The following PAG1 variants were observed in gnomAD, a reference collection of about 807,000 sequenced individuals.
PAG1 encodes the protein phosphoprotein associated with glycosphingolipid-enriched microdomains 1.
In PAG1, 23 loss-of-function variants were observed where a neutral mutation model predicts 31.7. The observed-to-expected ratio is 0.73, with a 90% CI of 0.52 to 1.03. The LOEUF (loss-of-function observed/expected upper bound fraction) is 1.03, where lower values mean the gene tolerates loss of function less well. PAG1 is among the 50% of genes least tolerant of loss of function. PAG1 has a pLI of 0.00. For missense variants in PAG1, 473 were observed against 540.7 expected (o/e 0.87, Z 1.24); for synonymous variants, 214 against 210.3 (o/e 1.02, Z -0.15).
At chr8:81,027,400 C>T (rs778991184) in intron 3 of PAG1, among the ~76,000 whole-genome samples, 5 of 152,140 alleles carry the variant, frequency 3.3e-5, no homozygotes, top group African/African-American at 4.8e-5. Flanking sequence ...AACAACAAAG[C>T]AGATAATACG....
intron 3 of PAG1, among the ~76,000 whole-genome samples, chr8:81,013,398 C>T (rs889253916): frequency 6.6e-6 from 1 of 152,144 alleles, no homozygotes; most frequent in Admixed American, 6.5e-5. Flanking sequence ...GTCCCCCAGG[C>T]CCTCGGCCTC....
chr8:81,089,111 G>C (rs1809405330), intron 1 of PAG1, among the ~76,000 whole-genome samples: 1 of 152,202 alleles, frequency 6.6e-6, no homozygotes, highest in South Asian at 2.1e-4. Flanking sequence ...GCTGGAAGAA[G>C]ATACAAAACT....
intron 1 of PAG1, among the ~76,000 whole-genome samples, chr8:81,083,834 A>G (rs1809307770): frequency 6.6e-6 from 1 of 150,854 alleles, no homozygotes; most frequent in Non-Finnish European, 1.5e-5. Flanking sequence ...CAGGAGTTCA[A>G]GATCAGCCTG....
intron 2 of PAG1, among the ~76,000 whole-genome samples, chr8:81,043,645 T>C (rs1808592095): frequency 6.6e-6 from 1 of 152,204 alleles, no homozygotes; most frequent in Non-Finnish European, 1.5e-5. Context: ...CAATTACAAA[T>C]GACATTACAA....
Position 81,034,782 on chromosome 8 carries a change from C to T in PAG1, c.-174-4693G>A, listed in dbSNP as rs1342709617. Among the ~76,000 whole-genome samples, 5 of 152,324 alleles carry T rather than the reference C, an allele frequency of 3.3e-5. No individual in the cohort carries two copies. In the East Asian group the frequency reaches 7.7e-4, roughly 23 times the overall value. ...GGAAGACACCTATTTAAAGAAGTTC[C>T]TCTTCCCCTGCTCTTGAGCTTTCCT... On this transcript the variant is annotated intron_variant, in intron 2 of 8. Coordinates refer to ENST00000220597, the MANE Select transcript of PAG1 (RefSeq NM_018440.4).
At chr8:81,049,234 A>T (rs1290384235) in intron 2 of PAG1, among the ~76,000 whole-genome samples, 3 of 152,332 alleles carry the variant, frequency 2.0e-5, no homozygotes, top group Non-Finnish European at 4.4e-5. Context: ...CATATCTAAA[A>T]GTGAATTTAA....
At chr8:81,026,316 C>G (rs1808277125) in intron 3 of PAG1, among the ~76,000 whole-genome samples, 1 of 151,464 alleles carries the variant, frequency 6.6e-6, no homozygotes. Context: ...CCGTTGTACT[C>G]TAGCCTGGGC....
Position 81,040,414 on chromosome 8 carries a change from C to A in PAG1, c.-174-10325G>T, listed in dbSNP as rs73279916. 5.8e-3 allele frequency among the ~76,000 whole-genome samples: 885 copies of A among 152,202 alleles called. 5 individuals are homozygous for A. Among genetic ancestry groups the A allele is most frequent in the African/African-American group, 0.02 (834 of 41,528 alleles). On this transcript the variant is annotated intron_variant, in intron 2 of 8. Coordinates refer to ENST00000220597, the MANE Select transcript of PAG1 (RefSeq NM_018440.4). ...TGTGGTGGCTTAGCCATTTCACCTA[C>A]GCTACCTGTGCTTCTTCCCCTAATC...
At chr8:81,010,465 C>T (rs1242859335) in intron 3 of PAG1, among the ~76,000 whole-genome samples, 3 of 152,124 alleles carry the variant, frequency 2.0e-5, no homozygotes, top group Non-Finnish European at 4.4e-5. Flanking sequence ...TATTTTTAAG[C>T]ATTTTCAAAT....
At chr8:80,998,033 C>T (rs74819943) in intron 3 of PAG1, among the ~76,000 whole-genome samples, 3 of 151,996 alleles carry the variant, frequency 2.0e-5, no homozygotes, top group Non-Finnish European at 2.9e-5. Flanking sequence ...AAGGTCCATA[C>T]TCTCTTACCC....
chr8:81,093,999 T>C (rs1373560275), intron 1 of PAG1, among the ~76,000 whole-genome samples: 2 of 152,136 alleles, frequency 1.3e-5, no homozygotes, highest in Non-Finnish European at 1.5e-5. Context: ...GACAGGCAGT[T>C]AACACCCTGC....
intron 1 of PAG1, among the ~76,000 whole-genome samples, chr8:81,088,542 G>T (rs1269437921): frequency 1.3e-5 from 2 of 152,050 alleles, no homozygotes; most frequent in African/African-American, 4.8e-5. Context: ...ATACAAAATA[G>T]ACAAACAGCA....
At chr8:81,060,168 TAAGAAGGC>T (rs1808894968) in intron 2 of PAG1, among the ~76,000 whole-genome samples, 1 of 152,190 alleles carries the variant, frequency 6.6e-6, no homozygotes, top group Non-Finnish European at 1.5e-5. Context: ...TGTCCATTAG[TAAGAAGGC>T]AGGGTTACTC....
At chr8:81,002,891 T>C (rs1807811417) in intron 3 of PAG1, among the ~76,000 whole-genome samples, 1 of 152,180 alleles carries the variant, frequency 6.6e-6, no homozygotes, top group Non-Finnish European at 1.5e-5. Flanking sequence ...AAGTCAGAAC[T>C]TGTATTTAAA....
chr8:80,990,470 C>G lies in PAG1; in HGVS notation c.177+1009G>C, dbSNP rs2130482096. Among the ~76,000 whole-genome samples, 1 of 152,286 alleles carries G rather than the reference C, an allele frequency of 6.6e-6. No homozygotes were observed. Among genetic ancestry groups the G allele is most frequent in the Admixed American group, 6.5e-5 (1 of 15,304 alleles). On this transcript the variant is annotated intron_variant, in intron 5 of 8. Transcript: ENST00000220597. The surrounding 1 kb of genome is among the most constrained non-coding windows in gnomAD (Gnocchi z 5.1). ...TTTGCTTGACCTTGAGAAATGATGT[C>G]CTGAACAAGAAGCATCTTCTGTCTT...
In PAG1 at chr8:80,970,535, TG is replaced by T. The variant is rs1345425592; in HGVS notation, c.*6008del. On this transcript the variant is annotated 3_prime_UTR_variant, in exon 9 of 9. Coordinates refer to ENST00000220597, the MANE Select transcript of PAG1 (RefSeq NM_018440.4). ...GATCTACCTTCCACATGCTGGACAG[TG>T]GGGGTTGCTGCTTGAGGAGACTCAG... is the stretch of plus-strand genomic sequence containing the variant. 8 of 152,638 alleles carry T rather than the reference TG, an allele frequency of 5.2e-5. No individual in the cohort carries two copies. Among genetic ancestry groups the T allele is most frequent in the East Asian group, 1.9e-4 (1 of 5,190 alleles). The allele number at this position is 152,638 out of a possible 1,614,324, so 9.5% of individuals were successfully genotyped here.
chr8:81,020,355 C>T (rs1292435595), intron 3 of PAG1, among the ~76,000 whole-genome samples: 1 of 152,034 alleles, frequency 6.6e-6, no homozygotes, highest in Non-Finnish European at 1.5e-5. Context: ...GGCTATGTCC[C>T]CACCCAAATC....
chr8:81,085,486 A>G (rs60688627), intron 1 of PAG1, among the ~76,000 whole-genome samples: 10,665 of 152,214 alleles, frequency 0.07, 1,228 homozygotes, highest in African/African-American at 0.24. Flanking sequence ...CCATTCCTAG[A>G]ATAACAAGAG....
intron 2 of PAG1, among the ~76,000 whole-genome samples, chr8:81,068,513 TAAC>T (rs1197612847): frequency 3.9e-5 from 6 of 152,108 alleles, no homozygotes; most frequent in African/African-American, 1.4e-4. Context: ...GTGGCGAAAA[TAAC>T]AAGCAAAGCA....
Sources: gnomAD v4.1 joint callset for allele counts (sites outside exome capture counted in the v4.1 genomes callset) on GRCh38, gnomAD v4.1.1 for gene constraint, Gnocchi (gnomAD v3.1) non-coding constraint, MANE v1.5 for transcripts, NCBI Gene and HGNC (gene_info 2026-07-23, HGNC 2026-07-21) for gene names.